Variants in COL22A1 observed in about 807,000 individuals in gnomAD.
COL22A1 encodes the protein collagen type XXII alpha 1 chain.
Under a neutral mutation model 248.9 loss-of-function variants are expected in COL22A1, and 221 were observed. That is an observed-to-expected ratio of 0.89 (90% confidence interval 0.80 to 0.99). COL22A1 has a LOEUF of 0.99. Ranked by LOEUF, COL22A1 falls within the 50% of genes least tolerant of loss-of-function variation. COL22A1 has a pLI of 0.00. For synonymous variants in COL22A1, 891 were observed against 793.4 expected, an observed-to-expected ratio of 1.12 and a Z score of -2.07; for missense variants, 2,240 against 2,179.0, an observed-to-expected ratio of 1.03 and a Z score of -0.56.
At position 138,635,027 on chromosome 8, in the gene COL22A1, C is replaced by A; in HGVS notation, c.3592G>T (p.Gly1198Trp). Residue 1198 changes from glycine (G) to tryptophan (W), a missense_variant, in exon 49 of 65, where the codon GGG (glycine) becomes TGG (tryptophan). Coordinates refer to ENST00000303045, the MANE Select transcript of COL22A1 (RefSeq NM_152888.3). ...PGVPGFMGPP[G>W]NPGPPGADGI... ...TTACTTACTGGTGGCCCAGGGTTCC[C>A]TGGGGGCCCCATGAAACCTGGAACT... is the stretch of plus-strand genomic sequence containing the variant. 1.2e-6 allele frequency: 2 copies of A among 1,609,702 alleles called. No individual in the cohort carries two copies. The highest frequency in any genetic ancestry group is 1.1e-5 in the South Asian group (1 of 90,626).
intron 30 of COL22A1, among the ~76,000 whole-genome samples, chr8:138,713,703 T>C (rs1470863605): frequency 1.3e-5 from 1 of 76,006 alleles, no homozygotes; most frequent in Non-Finnish European, 2.9e-5. Flanking sequence ...TCACACCCTA[T>C]GAGTCCACCC....
chr8:138,722,850 C>G lies in COL22A1; in HGVS notation c.2248-761G>C, dbSNP rs956575691. ...TAAATGATATCGGGTCACATGGGGG[C>G]GGGGGGGGGGTGGTGGAAAACACAC... On this transcript the variant is annotated intron_variant, in intron 25 of 64. Transcript: ENST00000303045. Among the ~76,000 whole-genome samples the G allele has an allele frequency of 5.8e-3, 69 of 11,848 alleles. 1 individual carries two copies. Among genetic ancestry groups the G allele is most frequent in the Middle Eastern group, 0.062 (1 of 16 alleles). 7.8% of individuals were successfully genotyped at this position (11,848 alleles called of 152,430 possible).
intron 12 of COL22A1, among the ~76,000 whole-genome samples, chr8:138,786,200 G>C (rs1440753997): frequency 6.6e-6 from 1 of 152,214 alleles, no homozygotes; most frequent in East Asian, 1.9e-4. Context: ...TGAGGTAGTA[G>C]AAGAAAGTCC....
intron 7 of COL22A1, among the ~76,000 whole-genome samples, chr8:138,817,125 T>C (rs1818745627): frequency 6.6e-6 from 1 of 152,204 alleles, no homozygotes; most frequent in Non-Finnish European, 1.5e-5. Context: ...TTTAGTCTAG[T>C]TTAGTAGACC....
At chr8:138,908,819 T>C (rs1181177512) in intron 1 of COL22A1, among the ~76,000 whole-genome samples, 2 of 152,146 alleles carry the variant, frequency 1.3e-5, no homozygotes, top group African/African-American at 2.4e-5. Flanking sequence ...CCCAAAAAGA[T>C]AGAATAAGAT....
At position 138,649,665 on chromosome 8, in the gene COL22A1, CT is replaced by C. The variant is rs747217392; in HGVS notation, c.3446del (p.Lys1149ArgfsTer15). 4 of 1,611,908 alleles carry C rather than the reference CT, an allele frequency of 2.5e-6. No homozygotes were observed. The highest frequency in any genetic ancestry group is 2.5e-6 in the Non-Finnish European group (3 of 1,179,088). The part of the protein sequence containing the change: ...KPGREGTEGK[K>X]GEAGPPGLPG... ...ATCGAGTTTCCCCTTTTCTCCTTAC[CT>C]TTTTCCCTTCTGTGCCTTCTCTCCC... On this transcript the variant is annotated frameshift_variant and splice_region_variant, in exon 46 of 65. Transcript: ENST00000303045. LOFTEE classifies it high-confidence loss of function.
At chr8:138,609,287 A>C (rs1257257622) in intron 56 of COL22A1, among the ~76,000 whole-genome samples, 3 of 152,198 alleles carry the variant, frequency 2.0e-5, no homozygotes, top group Non-Finnish European at 2.9e-5. Flanking sequence ...CTGAGATCTG[A>C]ACATAGGCAG....
At chr8:138,755,936 C>T (rs1206430162) in intron 18 of COL22A1, 107 bp from the exon 19 acceptor site, 2 of 874,632 alleles carry the variant, frequency 2.3e-6, no homozygotes, top group Non-Finnish European at 3.8e-6. Context: ...CACACCCCTC[C>T]CTGTGCACCA....
intron 41 of COL22A1, among the ~76,000 whole-genome samples, chr8:138,672,425 G>T (rs1475558327): frequency 6.6e-6 from 1 of 152,098 alleles, no homozygotes; most frequent in Non-Finnish European, 1.5e-5. Context: ...TGGAAGGTGG[G>T]GGGATGAAAA....
At chr8:138,616,204 C>T (rs1393389469) in intron 54 of COL22A1, 150 bp from the exon 55 acceptor site, 1 of 687,296 alleles carries the variant, frequency 1.5e-6, no homozygotes, top group Non-Finnish European at 2.5e-6. Context: ...GAGTTGAGGT[C>T]TGTGGCGGCC....
intron 7 of COL22A1, 101 bp downstream of exon 7, chr8:138,821,035 C>A (rs1819072396): frequency 7.7e-7 from 1 of 1,304,454 alleles, no homozygotes; most frequent in Admixed American, 2.1e-5. Context: ...TGATTTGGTA[C>A]CTGGTTCATG....
chr8:138,786,409 G>T, intron 12 of COL22A1, among the ~76,000 whole-genome samples: 1 of 152,160 alleles, frequency 6.6e-6, no homozygotes, highest in East Asian at 1.9e-4. Flanking sequence ...GTCATCCTGA[G>T]ATCCAAGCAT....
intron 23 of COL22A1, among the ~76,000 whole-genome samples, chr8:138,728,403 A>T (rs1331278513): frequency 6.6e-6 from 1 of 152,066 alleles, no homozygotes; most frequent in African/African-American, 2.4e-5. Context: ...TCCCAAGCAT[A>T]CAGGAGTCTC....
intron 30 of COL22A1, among the ~76,000 whole-genome samples, chr8:138,706,454 A>G (rs1280076185): frequency 6.6e-6 from 1 of 152,258 alleles, no homozygotes; most frequent in African/African-American, 2.4e-5. Flanking sequence ...ACCACAGTGC[A>G]ATCAAACTAG....
chr8:138,836,637 G>C (rs1820453830), intron 4 of COL22A1, among the ~76,000 whole-genome samples: 1 of 152,128 alleles, frequency 6.6e-6, no homozygotes, highest in Admixed American at 6.5e-5. Context: ...TGTGATCCTG[G>C]CTGAGTCATT....
At chr8:138,610,222 T>C (rs1371641801) in intron 56 of COL22A1, among the ~76,000 whole-genome samples, 1 of 152,140 alleles carries the variant, frequency 6.6e-6, no homozygotes, top group East Asian at 1.9e-4. Flanking sequence ...GGGGAGAAAA[T>C]GAATGAATCA....
At chr8:138,738,526 C>G (rs1371498377) in intron 22 of COL22A1, among the ~76,000 whole-genome samples, 1 of 152,104 alleles carries the variant, frequency 6.6e-6, no homozygotes, top group Non-Finnish European at 1.5e-5. Context: ...TCACGGCAAA[C>G]TCTCTTTCTA....
Position 138,676,643 on chromosome 8 carries a change from G to A in COL22A1, c.3073-8C>T, listed in dbSNP as rs200207337. ...AGGAGCTCCTCGATCCCCCTAGAAA[G>A]AGAGAAAAATAAGATCAAGGAGGTC... On this transcript the variant is annotated splice_polypyrimidine_tract_variant and splice_region_variant and intron_variant, in intron 40 of 64. Coordinates refer to ENST00000303045, the MANE Select transcript of COL22A1 (RefSeq NM_152888.3). 4.8e-5 allele frequency: 75 copies of A among 1,554,670 alleles called. No individual in the cohort carries two copies. In the Admixed American group the frequency reaches 1.0e-3, roughly 21 times the overall value.
At chr8:138,674,505 G>A (rs954633414) in intron 41 of COL22A1, among the ~76,000 whole-genome samples, 2 of 152,200 alleles carry the variant, frequency 1.3e-5, no homozygotes, top group African/African-American at 2.4e-5. Flanking sequence ...AAGTCCAAGA[G>A]GTAGCCAAGA....
Sources: gnomAD v4.1 joint callset for allele counts (sites outside exome capture counted in the v4.1 genomes callset) on GRCh38, gnomAD v4.1.1 for gene constraint, MANE v1.5 for transcripts, NCBI Gene and HGNC (gene_info 2026-07-23, HGNC 2026-07-21) for gene names.